CNTN2: variants seen among roughly 807,000 people sequenced by gnomAD.
CNTN2 encodes contactin-2.
A neutral mutation model predicts 117.5 loss-of-function variants in CNTN2; 53 were observed. That is an observed-to-expected ratio of 0.45 (90% CI 0.36 to 0.57). CNTN2 has a LOEUF of 0.57. CNTN2 is among the 20% of genes least tolerant of loss of function. The pLI is 0.00. For synonymous variants in CNTN2, 530 were observed against 561.7 expected (o/e 0.94, Z 0.80); for missense variants, 1,106 against 1,404.3 (o/e 0.79, Z 3.39).
In CNTN2 at chr1:205,061,595, A is replaced by G. The variant is rs1421800998; in HGVS notation, c.973+175A>G. 1 of 831,510 alleles carries G rather than the reference A, an allele frequency of 1.2e-6. No homozygotes were observed. Among genetic ancestry groups the G allele is most frequent in the Non-Finnish European group, 1.8e-6 (1 of 557,356 alleles). The allele number at this position is 831,510 out of a possible 1,614,324, so 51.5% of individuals were successfully genotyped here. ...ACCAGAGGAGGCTAGTGCTGTGGTC[A>G]CCTCAGAGCTTCAGTCAGGGGTGCA... On this transcript the variant is annotated intron_variant, in intron 8 of 22. Transcript: ENST00000331830. The surrounding 1 kb of genome is among the most constrained non-coding windows in gnomAD (Gnocchi z 4.8).
In CNTN2 at chr1:205,064,369, G is replaced by T. The variant is rs1444735689; in HGVS notation, c.1288G>T (p.Ala430Ser). 6.2e-7 allele frequency: 1 copy of T among 1,606,496 alleles called. No individual in the cohort carries two copies. Among genetic ancestry groups the T allele is most frequent in the South Asian group, 1.1e-5 (1 of 90,860 alleles). Reference sequence around the variant, plus strand: ...GAATCCCGTGAGGCGTCTGATCCCCGCGGCCCGCGGGGGAGAGATCCTTAT... The same window carrying T: ...GAATCCCGTGAGGCGTCTGATCCCCTCGGCCCGCGGGGGAGAGATCCTTAT... The part of the protein sequence containing the change: ...RLNPVRRLIP[A>S]ARGGEILIPC... The change falls in exon 11 of 23, where the codon GCG becomes TCG. Residue 430 changes from alanine (A) to serine (S), a missense_variant. Ala to Ser is a moderately conservative substitution (Grantham distance 99, BLOSUM62 1). Transcript: ENST00000331830.
Position 205,053,136 on chromosome 1 carries a change from T to G in CNTN2, c.-50T>G. The G allele has an allele frequency of 5.4e-6, 8 of 1,488,186 alleles. No individual in the cohort carries two copies. The highest frequency in any genetic ancestry group is 6.4e-6 in the Non-Finnish European group (7 of 1,085,492). 92.2% of individuals were successfully genotyped at this position (1,488,186 alleles called of 1,614,324 possible). ...GCCTCCAGCTGGGCTGTCCCCAAGC[T>G]GAGCTGAGGCTCTTCTCCTCCGATC... On this transcript the variant is annotated 5_prime_UTR_variant, in exon 2 of 23. Transcript: ENST00000331830.
chr1:205,049,325 C>CACAG (rs2096448206), intron 1 of CNTN2, among the ~76,000 whole-genome samples: 1 of 142,308 alleles, frequency 7.0e-6, no homozygotes, highest in African/African-American at 2.6e-5. Context: ...CACACACACA[C>CACAG]AGACATACAC....
chr1:205,066,317 T>G, intron 14 of CNTN2, 124 bp from the exon 15 acceptor site: 8 of 1,165,238 alleles, frequency 6.9e-6, no homozygotes, highest in Non-Finnish European at 9.6e-6. Context: ...CCTGGGTGTG[T>G]GTTCACTGCA....
chr1:205,053,001 C>A lies in CNTN2; in HGVS notation c.-86-99C>A, dbSNP rs187129173. The stretch of plus-strand genomic sequence containing the variant: ...ATTAGTGCTTGGGCAATTCCGGCAG[C>A]TCCCCAGGCCGAGGTAAAAGCTTTA... On this transcript the variant is annotated intron_variant, in intron 1 of 22. Coordinates refer to ENST00000331830, the MANE Select transcript of CNTN2 (RefSeq NM_005076.5). 2.6e-4 allele frequency: 118 copies of A among 449,926 alleles called. 1 individual carries two copies. Among genetic ancestry groups the A allele is most frequent in the African/African-American group, 2.1e-3 (104 of 49,774 alleles). 27.9% of individuals were successfully genotyped at this position (449,926 alleles called of 1,614,324 possible).
At chr1:205,052,347 A>T (rs2096454356) in intron 1 of CNTN2, among the ~76,000 whole-genome samples, 2 of 152,228 alleles carry the variant, frequency 1.3e-5, no homozygotes, top group African/African-American at 4.8e-5. Context: ...GACTGATGGG[A>T]CAGGCATCTG....
intron 19 of CNTN2, 179 bp downstream of exon 19, chr1:205,070,717 C>T (rs1654549985): frequency 3.8e-6 from 2 of 520,978 alleles, no homozygotes; most frequent in Non-Finnish European, 7.0e-6. Flanking sequence ...CCATGGCAGG[C>T]CAGGCGCGGT....
At chr1:205,064,528 G>A in intron 11 of CNTN2, 56 bp downstream of exon 11, 2 of 1,594,418 alleles carry the variant, frequency 1.3e-6, no homozygotes, top group Non-Finnish European at 1.7e-6. Context: ...CTCCATGGAG[G>A]CCAATTCCCC....
In CNTN2 at chr1:205,059,830, C is replaced by A; in HGVS notation, c.797+148C>A. ...TGGGCACACAGTGGGTATCGACCAC[C>A]ACTCACTGGACAGTACCTCTCTGGG... is the stretch of plus-strand genomic sequence containing the variant. On this transcript the variant is annotated intron_variant, in intron 7 of 22. Transcript: ENST00000331830. The surrounding 1 kb of genome is among the most constrained non-coding windows in gnomAD (Gnocchi z 5.6). 1.5e-6 allele frequency: 1 copy of A among 648,962 alleles called. No individual in the cohort carries two copies. Among genetic ancestry groups the A allele is most frequent in the African/African-American group, 1.8e-5 (1 of 55,246 alleles). The allele number at this position is 648,962 out of a possible 1,614,324, so 40.2% of individuals were successfully genotyped here. A position where few individuals can be genotyped will look rare whatever the true frequency, so the allele number is the denominator to read the frequency against.
chr1:205,051,686 G>A (rs886632037), intron 1 of CNTN2, among the ~76,000 whole-genome samples: 1 of 152,078 alleles, frequency 6.6e-6, no homozygotes, highest in African/African-American at 2.4e-5. Context: ...CGGGCCCTGG[G>A]GACAACTCTC....
Position 205,058,478 on chromosome 1 carries a change from A to T in CNTN2, c.392-90A>T, listed in dbSNP as rs1164671860. On this transcript the variant is annotated intron_variant, in intron 4 of 22. Coordinates refer to ENST00000331830, the MANE Select transcript of CNTN2 (RefSeq NM_005076.5). This position sits in a 1 kb window ranked among gnomAD's most constrained non-coding sequence, Gnocchi z 4.3. ...TTCCTGACCTCACATGACATGCCTT[A>T]GTGAACTGCTGCTTCTCCGTGAAGG... 1.9e-6 allele frequency: 3 copies of T among 1,549,888 alleles called. No homozygotes were observed. Among genetic ancestry groups the T allele is most frequent in the Non-Finnish European group, 2.7e-6 (3 of 1,129,196 alleles).
intron 19 of CNTN2, 107 bp from the exon 20 acceptor site, chr1:205,071,840 G>C: frequency 9.1e-7 from 1 of 1,099,640 alleles, no homozygotes; most frequent in East Asian, 2.7e-5. Flanking sequence ...CCTAAGACTG[G>C]GTCACAGGGA....
chr1:205,068,596 C>CT (rs1472205758), intron 16 of CNTN2: 8 of 152,184 alleles, frequency 5.3e-5, no homozygotes, highest in Non-Finnish European at 1.2e-4. Flanking sequence ...ACATGATGGG[C>CT]TTTAAAATGA....
At position 205,065,780 on chromosome 1, in the gene CNTN2, C is replaced by T. The variant is rs775059703; in HGVS notation, c.1696-9C>T. 63 of 1,053,180 alleles carry T rather than the reference C, an allele frequency of 6.0e-5. No homozygotes were observed. The highest frequency in any genetic ancestry group is 3.8e-4 in the East Asian group (16 of 42,662). The allele number at this position is 1,053,180 out of a possible 1,614,324, so 65.2% of individuals were successfully genotyped here. On this transcript the variant is annotated splice_polypyrimidine_tract_variant and intron_variant, in intron 13 of 22. Transcript: ENST00000331830. This position sits in a 1 kb window ranked among gnomAD's most constrained non-coding sequence, Gnocchi z 4.1. ...CTGACCTGCTGCCCCTAACTGTCCC[C>T]GTGTGCAGAAGGAGACCATTGGGGA...
At position 205,074,716 on chromosome 1, in the gene CNTN2, G is replaced by A. The variant is rs571231915; in HGVS notation, c.*951G>A. Reference sequence around the variant, plus strand: ...TGCCTGCAGTCAGCTCGGCCTCCCCGACCTGCAGCCCCAGACTCTGCTCTC... The same window carrying A: ...TGCCTGCAGTCAGCTCGGCCTCCCCAACCTGCAGCCCCAGACTCTGCTCTC... On this transcript the variant is annotated 3_prime_UTR_variant, in exon 23 of 23. Transcript: ENST00000331830. 1.5e-5 allele frequency: 6 copies of A among 399,054 alleles called. No homozygotes were observed. The highest frequency in any genetic ancestry group is 2.7e-5 in the Non-Finnish European group (6 of 226,330). The allele number at this position is 399,054 out of a possible 1,614,324, so 24.7% of individuals were successfully genotyped here.
intron 9 of CNTN2, chr1:205,062,224 G>A (rs1187387733): frequency 2.5e-6 from 2 of 810,452 alleles, no homozygotes; most frequent in African/African-American, 1.7e-5. Context: ...GAAGTGATGT[G>A]GTCCTGACTG....
intron 1 of CNTN2, among the ~76,000 whole-genome samples, chr1:205,050,915 G>A (rs115662871): frequency 0.031 from 4,745 of 152,312 alleles, 129 homozygotes; most frequent in African/African-American, 0.077. Flanking sequence ...CACGGTGCCC[G>A]GCCTTCTGAG....
In CNTN2 at chr1:205,061,504, G is replaced by A; in HGVS notation, c.973+84G>A. On this transcript the variant is annotated intron_variant, in intron 8 of 22. Transcript: ENST00000331830. The surrounding 1 kb of genome is among the most constrained non-coding windows in gnomAD (Gnocchi z 4.8). ...TGTCCCCAAGGAAACAGACCCAAAAGTCAGGGAGGAGACTGGGAGGCCCCC... is the reference window on the plus strand; with the variant it reads ...TGTCCCCAAGGAAACAGACCCAAAAATCAGGGAGGAGACTGGGAGGCCCCC... 7.0e-7 allele frequency: 1 copy of A among 1,438,430 alleles called. No homozygotes were observed. The highest frequency in any genetic ancestry group is 9.2e-7 in the Non-Finnish European group (1 of 1,081,450). 89.1% of individuals were successfully genotyped at this position (1,438,430 alleles called of 1,614,324 possible). A position where few individuals can be genotyped will look rare whatever the true frequency, so the allele number is the denominator to read the frequency against.
At chr1:205,064,527 G>A in intron 11 of CNTN2, 55 bp downstream of exon 11, 1 of 1,594,564 alleles carries the variant, frequency 6.3e-7, no homozygotes, top group Non-Finnish European at 8.6e-7. Context: ...TCTCCATGGA[G>A]GCCAATTCCC....
Sources: allele counts gnomAD v4.1 joint callset (sites outside exome capture counted in the v4.1 genomes callset), GRCh38; gene constraint gnomAD v4.1.1; non-coding constraint Gnocchi (gnomAD v3.1); transcripts MANE v1.5; gene names NCBI Gene and HGNC (gene_info 2026-07-23, HGNC 2026-07-21).